Variants in FBXO31 observed in about 807,000 individuals in gnomAD.
The protein encoded by FBXO31 is F-box protein 31.
Under a neutral mutation model 54.4 loss-of-function variants are expected in FBXO31, and 24 were observed. That is an observed-to-expected ratio of 0.44 (90% confidence interval 0.32 to 0.62). The LOEUF is 0.62. FBXO31 is among the 20% of genes least tolerant of loss of function. The pLI, the probability that FBXO31 is intolerant of heterozygous loss-of-function variation, is 0.05. For missense variants in FBXO31, 665 were observed against 787.1 expected (o/e 0.84, Z 1.86); for synonymous variants, 388 against 335.6 (o/e 1.16, Z -1.71).
chr16:87,368,857 T>G (rs961445605), intron 1 of FBXO31, among the ~76,000 whole-genome samples: 4 of 152,190 alleles, frequency 2.6e-5, no homozygotes, highest in Non-Finnish European at 4.4e-5. Flanking sequence ...CGGAGTGCAG[T>G]GGCACCATCT....
At chr16:87,389,014 T>C (rs1004202893) in intron 1 of FBXO31, among the ~76,000 whole-genome samples, 1 of 152,214 alleles carries the variant, frequency 6.6e-6, no homozygotes, top group African/African-American at 2.4e-5. Flanking sequence ...TTCACTACTA[T>C]ATTAAATTTC....
At position 87,343,053 on chromosome 16, in the gene FBXO31, C is replaced by T. The variant is rs1319745448; in HGVS notation, c.658-102G>A. 1.2e-5 allele frequency: 11 copies of T among 909,126 alleles called. No individual in the cohort carries two copies. The African/African-American group carries it at 1.7e-4, about 14-fold the overall frequency. 56.3% of individuals were successfully genotyped at this position (909,126 alleles called of 1,614,324 possible). ...GGCCACGACCCCTCCCTCACCACAC[C>T]CACCAAACCCCACTGCAGGCACCCA... On this transcript the variant is annotated intron_variant, in intron 4 of 8. Transcript: ENST00000311635.
chr16:87,384,193 G>C (rs1907243674), upstream of FBXO31: 1 of 152,712 alleles, frequency 6.5e-6, no homozygotes, highest in South Asian at 2.1e-4. Context: ...TGCCGCGCCG[G>C]CCGGTGAGTA....
At chr16:87,364,457 G>C (rs919193068) in intron 1 of FBXO31, among the ~76,000 whole-genome samples, 1 of 152,202 alleles carries the variant, frequency 6.6e-6, no homozygotes, top group Non-Finnish European at 1.5e-5. Context: ...GGGCCAGTTC[G>C]CGCCGACTCT....
chr16:87,376,589 C>T (rs1289636296), intron 1 of FBXO31, among the ~76,000 whole-genome samples: 2 of 152,104 alleles, frequency 1.3e-5, no homozygotes, highest in East Asian at 1.9e-4. Flanking sequence ...TATTAAATGG[C>T]AGAAAGTATT....
At chr16:87,379,521 C>T (rs1906979652) in intron 1 of FBXO31, among the ~76,000 whole-genome samples, 1 of 152,108 alleles carries the variant, frequency 6.6e-6, no homozygotes, top group South Asian at 2.1e-4. Flanking sequence ...TGTGTTTGCC[C>T]CAGGTTTTCC....
chr16:87,384,593 C>G (rs983735456), upstream of FBXO31, among the ~76,000 whole-genome samples: 4 of 152,236 alleles, frequency 2.6e-5, no homozygotes, highest in Non-Finnish European at 5.9e-5. Flanking sequence ...GTGGTGACCG[C>G]GAAGGCGTCC....
At chr16:87,354,026 C>T (rs1002629655) in intron 2 of FBXO31, among the ~76,000 whole-genome samples, 1 of 152,262 alleles carries the variant, frequency 6.6e-6, no homozygotes, top group Non-Finnish European at 1.5e-5. Flanking sequence ...CTCATGTGCG[C>T]CTGCTCCGCG....
Position 87,383,556 on chromosome 16 carries a change from C to T in FBXO31, c.189G>A (p.Pro63=). 3 of 1,539,456 alleles carry T rather than the reference C, an allele frequency of 1.9e-6. No individual in the cohort carries two copies. The highest frequency in any genetic ancestry group is 2.6e-6 in the Non-Finnish European group (3 of 1,149,214). The change falls in exon 1 of 9, where the codon CCG becomes CCA. Residue 63 remains proline, a synonymous_variant. Transcript: ENST00000311635. This position sits in a 1 kb window ranked among gnomAD's most constrained non-coding sequence, Gnocchi z 4.9. The part of the protein sequence containing the change: ...GLCAGPSPPP[P]RCSLLELPPE... ...GCGGCAGCTCCAGCAGCGAGCAGCG[C>T]GGGGGCGGCGGCGAGGGGCCCGCGC...
In FBXO31 at chr16:87,353,833, C is replaced by T. The variant is rs539388302; in HGVS notation, c.412+6462G>A. Among the ~76,000 whole-genome samples, 22 of 151,356 alleles carry T rather than the reference C, an allele frequency of 1.5e-4. 1 individual carries two copies. The South Asian group carries it at 1.5e-3, about 10-fold the overall frequency. ...GCCCCGGACACCTTGTCTTGAACCT[C>T]TGGCCTCCAGCCTGTGAGAAAGTGG... On this transcript the variant is annotated intron_variant, in intron 2 of 8. Coordinates refer to ENST00000311635, the MANE Select transcript of FBXO31 (RefSeq NM_024735.5).
chr16:87,389,673 C>CT (rs1202250014), intron 1 of FBXO31: 16 of 152,312 alleles, frequency 1.1e-4, no homozygotes, highest in Non-Finnish European at 1.9e-4. Context: ...AGACTCCACT[C>CT]TTTAAGACTT....
chr16:87,383,692 C>T lies in FBXO31; in HGVS notation c.53G>A (p.Arg18His). The change falls in exon 1 of 9, where the codon CGC becomes CAC. Residue 18 changes from arginine (R) to histidine (H), a missense_variant. Physicochemically the swap from Arg to His is conservative, Grantham distance 29. Transcript: ENST00000311635. The surrounding 1 kb of genome is among the most constrained non-coding windows in gnomAD (Gnocchi z 4.9). The part of the protein sequence containing the change: ...CGVGPSRGCR[R>H]RQQRRGPAET... ...GGCCGGGCCCCGGCGCTGCTGGCGG[C>T]GCCGACATCCGCGCGACGGGCCCAC... 7.9e-7 allele frequency: 1 copy of T among 1,270,308 alleles called. No homozygotes were observed. Among genetic ancestry groups the T allele is most frequent in the Non-Finnish European group, 9.9e-7 (1 of 1,015,028 alleles). The allele number at this position is 1,270,308 out of a possible 1,614,324, so 78.7% of individuals were successfully genotyped here. A position where few individuals can be genotyped will look rare whatever the true frequency, so the allele number is the denominator to read the frequency against.
rs1187011022 is a variant in FBXO31, at chr16:87,345,304, C to T, written c.490-1539G>A. Among the ~76,000 whole-genome samples, 1 of 149,642 alleles carries T rather than the reference C, an allele frequency of 6.7e-6. No individual in the cohort carries two copies. Among genetic ancestry groups the T allele is most frequent in the Admixed American group, 6.7e-5 (1 of 14,968 alleles). ...GGGGCTTTCCGGAAAGTTCAAGAGG[C>T]TCCAGCAGGAGGGTGCGGGGAGGGC... On this transcript the variant is annotated intron_variant, in intron 3 of 8. Coordinates refer to ENST00000311635, the MANE Select transcript of FBXO31 (RefSeq NM_024735.5). The surrounding 1 kb of genome is among the most constrained non-coding windows in gnomAD (Gnocchi z 4.9).
Position 87,335,266 on chromosome 16 carries a change from C to T in FBXO31, c.996+38G>A, listed in dbSNP as rs1905009088. On this transcript the variant is annotated intron_variant, in intron 7 of 8. Coordinates refer to ENST00000311635, the MANE Select transcript of FBXO31 (RefSeq NM_024735.5). This position sits in a 1 kb window ranked among gnomAD's most constrained non-coding sequence, Gnocchi z 5.7. ...CTCCACAGCCCACTTGGGCCAGGTG[C>T]CCCCAGAGCCCCACCAACCAGGTCA... 1.2e-6 allele frequency: 2 copies of T among 1,608,542 alleles called. No homozygotes were observed. The highest frequency in any genetic ancestry group is 2.2e-5 in the South Asian group (2 of 91,006).
intron 2 of FBXO31, among the ~76,000 whole-genome samples, chr16:87,347,847 G>A (rs1479048226): frequency 2.0e-5 from 3 of 152,162 alleles, no homozygotes; most frequent in Non-Finnish European, 4.4e-5. Context: ...ACAGCGAGCT[G>A]GACTAGACCT....
Position 87,345,962 on chromosome 16 carries a change from C to T in FBXO31, c.489+1212G>A, listed in dbSNP as rs536389135. ...CCCATGCTGCACACAGGCAGTTGCACGAGGCACCTGCGGAATCCTGAGTGA... is the reference window on the plus strand; with the variant it reads ...CCCATGCTGCACACAGGCAGTTGCATGAGGCACCTGCGGAATCCTGAGTGA... On this transcript the variant is annotated intron_variant, in intron 3 of 8. Coordinates refer to ENST00000311635, the MANE Select transcript of FBXO31 (RefSeq NM_024735.5). The surrounding 1 kb of genome is among the most constrained non-coding windows in gnomAD (Gnocchi z 4.9). Among the ~76,000 whole-genome samples the T allele has an allele frequency of 2.4e-4, 37 of 152,066 alleles. No individual in the cohort carries two copies. The highest frequency in any genetic ancestry group is 3.8e-4 in the Non-Finnish European group (26 of 68,010).
intron 1 of FBXO31, among the ~76,000 whole-genome samples, chr16:87,373,248 G>A (rs1193167701): frequency 2.0e-5 from 3 of 151,708 alleles, no homozygotes; most frequent in Non-Finnish European, 2.9e-5. Flanking sequence ...TCAGGAGATC[G>A]AGACCATCTT....
chr16:87,381,343 T>C (rs1045807544), intron 1 of FBXO31, among the ~76,000 whole-genome samples: 69 of 152,040 alleles, frequency 4.5e-4, no homozygotes, highest in Admixed American at 4.5e-3. Context: ...ACAATAAAAA[T>C]AGCCAAGAAT....
At position 87,345,700 on chromosome 16, in the gene FBXO31, T is replaced by G. The variant is rs1905355733; in HGVS notation, c.489+1474A>C. 6.6e-6 allele frequency among the ~76,000 whole-genome samples: 1 copy of G among 151,942 alleles called. No homozygotes were observed. Among genetic ancestry groups the G allele is most frequent in the Non-Finnish European group, 1.5e-5 (1 of 67,976 alleles). The stretch of plus-strand genomic sequence containing the variant: ...GAAAAAGAAAAAAAGACTGAACACA[T>G]CAGAGAGCAATGAAGGTAGCCCAGT... On this transcript the variant is annotated intron_variant, in intron 3 of 8. Coordinates refer to ENST00000311635, the MANE Select transcript of FBXO31 (RefSeq NM_024735.5). This position sits in a 1 kb window ranked among gnomAD's most constrained non-coding sequence, Gnocchi z 4.9.
Sources: gnomAD v4.1 joint callset for allele counts (sites outside exome capture counted in the v4.1 genomes callset) on GRCh38, gnomAD v4.1.1 for gene constraint, Gnocchi (gnomAD v3.1) non-coding constraint, MANE v1.5 for transcripts, NCBI Gene and HGNC (gene_info 2026-07-23, HGNC 2026-07-21) for gene names.